Variants in PCSK6 observed in about 807,000 individuals in gnomAD.
The protein encoded by PCSK6 is proprotein convertase subtilisin/kexin type 6, also known as paired basic amino acid cleaving enzyme 4.
A neutral mutation model predicts 123.3 loss-of-function variants in PCSK6; 85 were observed. The ratio of observed to expected loss-of-function variants is 0.69; its 90% CI spans 0.58 to 0.83. The LOEUF (loss-of-function observed/expected upper bound fraction) is 0.83, where lower values mean the gene tolerates loss of function less well. PCSK6 is among the 40% of genes least tolerant of loss of function. The probability of loss-of-function intolerance (pLI) is 0.00; values close to 1 mark genes in which losing one functional copy is unlikely to be tolerated. For synonymous variants in PCSK6, 508 were observed against 516.0 expected (o/e 0.98, Z 0.21); for missense variants, 1,191 against 1,282.3 (o/e 0.93, Z 1.09).
At chr15:101,365,568 G>A (rs569206883) in intron 13 of PCSK6, among the ~76,000 whole-genome samples, 3 of 152,116 alleles carry the variant, frequency 2.0e-5, no homozygotes, top group East Asian at 1.9e-4. Context: ...ATACGCCCAC[G>A]AGAAACAAAA....
At position 101,460,645 on chromosome 15, in the gene PCSK6, G is replaced by A. The variant is rs2057319963; in HGVS notation, c.298-16985C>T. ...TTTTCAAAGACTGAGCCCAGTACCAGGACTTCAAGCACACCCCCCAAATGT... is the reference window on the plus strand; with the variant it reads ...TTTTCAAAGACTGAGCCCAGTACCAAGACTTCAAGCACACCCCCCAAATGT... On this transcript the variant is annotated intron_variant, in intron 1 of 21. Transcript: ENST00000611716. Among the ~76,000 whole-genome samples the A allele has an allele frequency of 2.0e-5, 3 of 152,158 alleles. No individual in the cohort carries two copies. The South Asian group carries it at 6.2e-4, about 32-fold the overall frequency.
intron 6 of PCSK6, among the ~76,000 whole-genome samples, chr15:101,406,007 T>C (rs9672911): frequency 0.02 from 3,114 of 152,266 alleles, 58 homozygotes; most frequent in African/African-American, 0.05. Context: ...CCTCCCAAAG[T>C]GCTGGGATTA....
Position 101,326,448 on chromosome 15 carries a change from G to T in PCSK6, c.2109C>A (p.Gly703=). ...ACTGGTCTGCATTGGGGCCATCACA[G>T]CCTTTGTCACCACACTCCGGATGGC... ...SVCHPECGDK[G]CDGPNADQCL... is the part of the protein sequence containing the mutation. The change falls in exon 16 of 22, where the codon GGC becomes GGA. Residue 703 remains glycine (G), a synonymous_variant. Transcript: ENST00000611716. 1 of 1,585,092 alleles carries T rather than the reference G, an allele frequency of 6.3e-7. No homozygotes were observed. Among genetic ancestry groups the T allele is most frequent in the Non-Finnish European group, 8.6e-7 (1 of 1,165,348 alleles).
intron 12 of PCSK6, among the ~76,000 whole-genome samples, chr15:101,367,880 A>G (rs2041448845): frequency 6.6e-6 from 1 of 152,316 alleles, no homozygotes; most frequent in South Asian, 2.1e-4. Context: ...GCTGGAGTGC[A>G]GAGGCGTGAC....
At chr15:101,479,609 C>T (rs979755553) in intron 1 of PCSK6, among the ~76,000 whole-genome samples, 1 of 152,150 alleles carries the variant, frequency 6.6e-6, no homozygotes, top group Admixed American at 6.5e-5. Context: ...GGGAGGAATC[C>T]AGAGAGACAT....
At chr15:101,365,949 C>G in intron 13 of PCSK6, 1 of 347,678 alleles carries the variant, frequency 2.9e-6, no homozygotes, top group South Asian at 6.8e-5. Context: ...TATGGGGTTT[C>G]TTTTTGTGGG....
intron 1 of PCSK6, among the ~76,000 whole-genome samples, chr15:101,468,168 T>C (rs1567243904): frequency 6.6e-6 from 1 of 152,196 alleles, no homozygotes; most frequent in African/African-American, 2.4e-5. Context: ...TTTCCTCATC[T>C]GTGATGTGGA....
chr15:101,446,932 T>C (rs905388226), intron 1 of PCSK6, among the ~76,000 whole-genome samples: 5 of 152,100 alleles, frequency 3.3e-5, no homozygotes, highest in African/African-American at 1.2e-4. Flanking sequence ...TGCCCTCCCT[T>C]TGCAACATCA....
chr15:101,389,025 T>G (rs2042151385), intron 9 of PCSK6, among the ~76,000 whole-genome samples: 1 of 152,134 alleles, frequency 6.6e-6, no homozygotes, highest in African/African-American at 2.4e-5. Context: ...GTAATTAACA[T>G]AAAATGAGAT....
At position 101,399,638 on chromosome 15, in the gene PCSK6, C is replaced by T. The variant is rs1223463609; in HGVS notation, c.824-1062G>A. On this transcript the variant is annotated intron_variant, in intron 6 of 21. Coordinates refer to ENST00000611716, the MANE Select transcript of PCSK6 (RefSeq NM_002570.5). ...GTTGCCCCAGCAACAGTGCCTCCCC[C>T]AGAGAAGGCATCTGAGAAAAACCTG... Among the ~76,000 whole-genome samples, 4 of 152,334 alleles carry T rather than the reference C, an allele frequency of 2.6e-5. No homozygotes were observed. In the East Asian group the frequency reaches 7.7e-4, roughly 29 times the overall value.
chr15:101,366,474 C>T (rs1490815374), intron 12 of PCSK6, 142 bp from the exon 13 acceptor site: 4 of 707,738 alleles, frequency 5.7e-6, no homozygotes, highest in Non-Finnish European at 8.9e-6. Context: ...TGGCCCCAGC[C>T]AACCCGAGGG....
intron 8 of PCSK6, 134 bp downstream of exon 8, chr15:101,393,078 G>A (rs528234821): frequency 5.2e-6 from 4 of 776,550 alleles, no homozygotes; most frequent in African/African-American, 1.7e-5. Flanking sequence ...TCGCCGATGG[G>A]TGAGGCTGGG....
At chr15:101,438,902 G>A (rs2056678544) in intron 2 of PCSK6, among the ~76,000 whole-genome samples, 1 of 152,356 alleles carries the variant, frequency 6.6e-6, no homozygotes, top group East Asian at 1.9e-4. Flanking sequence ...AGGTGGGGAA[G>A]AGAGCAACAG....
intron 21 of PCSK6, among the ~76,000 whole-genome samples, chr15:101,306,408 G>C (rs574982294): frequency 6.6e-6 from 1 of 151,712 alleles, no homozygotes; most frequent in African/African-American, 2.4e-5. Context: ...CCCTCCACAA[G>C]CTCCATGCTC....
intron 6 of PCSK6, among the ~76,000 whole-genome samples, chr15:101,420,977 C>T (rs1202733452): frequency 1.3e-5 from 2 of 152,140 alleles, no homozygotes; most frequent in Non-Finnish European, 2.9e-5. Flanking sequence ...GATGGAGTCT[C>T]GCTCTGTTGC....
chr15:101,377,567 T>C (rs1567175414), intron 11 of PCSK6, among the ~76,000 whole-genome samples: 1 of 152,220 alleles, frequency 6.6e-6, no homozygotes, highest in Non-Finnish European at 1.5e-5. Flanking sequence ...CTTAGAGCAA[T>C]GCCTGGCACA....
chr15:101,327,319 T>A (rs997557289), intron 15 of PCSK6, among the ~76,000 whole-genome samples: 1 of 152,106 alleles, frequency 6.6e-6, no homozygotes, highest in Non-Finnish European at 1.5e-5. Context: ...TTCCCAGGTA[T>A]CCCAGAGATG....
intron 19 of PCSK6, among the ~76,000 whole-genome samples, chr15:101,314,501 C>T (rs966767917): frequency 2.6e-5 from 4 of 152,236 alleles, no homozygotes; most frequent in Admixed American, 6.5e-5. Flanking sequence ...GGTCGCAGAT[C>T]GAGGCCTTGC....
rs542910434 is a variant in PCSK6, at chr15:101,378,233, G to A, written c.1532+3859C>T. ...TCATTTTGCACAGGCAGATGCCCCT[G>A]GTCATGATCCTATGTACCTTCGTTT... On this transcript the variant is annotated intron_variant, in intron 11 of 21. Coordinates refer to ENST00000611716, the MANE Select transcript of PCSK6 (RefSeq NM_002570.5). Among the ~76,000 whole-genome samples, 8 of 152,308 alleles carry A rather than the reference G, an allele frequency of 5.3e-5. No homozygotes were observed. In the East Asian group the frequency reaches 1.5e-3, roughly 29 times the overall value.
Sources: gnomAD v4.1 joint callset for allele counts (sites outside exome capture counted in the v4.1 genomes callset) on GRCh38, gnomAD v4.1.1 for gene constraint, MANE v1.5 for transcripts, NCBI Gene and HGNC (gene_info 2026-07-23, HGNC 2026-07-21) for gene names.